The following RANBP17 variants were observed in gnomAD, a reference collection of about 807,000 sequenced individuals.
RANBP17 encodes RAN binding protein 17.
Under a neutral mutation model 141.2 loss-of-function variants are expected in RANBP17, and 158 were observed. The observed-to-expected ratio is 1.12, with a 90% CI of 0.98 to 1.28. RANBP17 has a LOEUF of 1.28. Among genes scored for constraint, RANBP17 ranks in the 50% most tolerant of loss-of-function variants. The probability of loss-of-function intolerance (pLI) is 0.00; values close to 1 mark genes in which losing one functional copy is unlikely to be tolerated. For missense variants in RANBP17, 1,438 were observed against 1,290.7 expected, an observed-to-expected ratio of 1.11 and a Z score of -1.75; for synonymous variants, 430 against 450.0, an observed-to-expected ratio of 0.96 and a Z score of 0.56.
intron 14 of RANBP17, among the ~76,000 whole-genome samples, chr5:171,021,674 C>A (rs1780865972): frequency 6.6e-6 from 1 of 152,144 alleles, no homozygotes; most frequent in Non-Finnish European, 1.5e-5. Context: ...CTCCTCTAAC[C>A]TTTTATCATG....
At chr5:170,915,257 GGACATGTCCTATTTATTGTAT>G (rs1376497702) in intron 8 of RANBP17, among the ~76,000 whole-genome samples, 2 of 152,072 alleles carry the variant, frequency 1.3e-5, no homozygotes, top group African/African-American at 4.8e-5. Flanking sequence ...AACATTTATT[GGACATGTCCTATTTATTGTAT>G]GATACTTATC....
At chr5:171,161,070 G>A (rs1759313906) in intron 14 of RANBP17, among the ~76,000 whole-genome samples, 1 of 152,170 alleles carries the variant, frequency 6.6e-6, no homozygotes, top group African/African-American at 2.4e-5. Context: ...GGGATTACAG[G>A]CGTGAGCCAC....
intron 16 of RANBP17, among the ~76,000 whole-genome samples, chr5:171,179,683 A>G (rs1200952540): frequency 6.6e-6 from 1 of 152,130 alleles, no homozygotes; most frequent in Admixed American, 6.6e-5. Context: ...ACGTCTTTAC[A>G]CTTTTGTAAA....
intron 25 of RANBP17, among the ~76,000 whole-genome samples, chr5:171,293,634 G>A (rs1768639317): frequency 6.6e-6 from 1 of 152,184 alleles, no homozygotes; most frequent in Non-Finnish European, 1.5e-5. Flanking sequence ...CTTGACTTAT[G>A]CCCATCTGGA....
intron 25 of RANBP17, among the ~76,000 whole-genome samples, chr5:171,281,782 A>G (rs1418773901): frequency 6.6e-6 from 1 of 152,252 alleles, no homozygotes; most frequent in African/African-American, 2.4e-5. Context: ...CTTGAAATAT[A>G]CACAGGTGAA....
At chr5:171,239,414 T>G (rs951851826) in intron 22 of RANBP17, among the ~76,000 whole-genome samples, 1 of 152,122 alleles carries the variant, frequency 6.6e-6, no homozygotes, top group Non-Finnish European at 1.5e-5. Flanking sequence ...ATTACCATAA[T>G]ATATATATGT....
intron 14 of RANBP17, among the ~76,000 whole-genome samples, chr5:170,990,548 A>G (rs149040141): frequency 6.6e-6 from 1 of 152,066 alleles, no homozygotes; most frequent in African/African-American, 2.4e-5. Context: ...ATCACTGAAC[A>G]CTTTTGAAAG....
intron 14 of RANBP17, among the ~76,000 whole-genome samples, chr5:171,128,262 A>G (rs1053074484): frequency 2.0e-5 from 3 of 152,266 alleles, no homozygotes; most frequent in Admixed American, 1.3e-4. Context: ...GTATCCATCA[A>G]TGAATGAATG....
chr5:170,978,489 T>A (rs1342204248), intron 14 of RANBP17, among the ~76,000 whole-genome samples: 20 of 152,098 alleles, frequency 1.3e-4, no homozygotes, highest in Admixed American at 1.2e-3. Context: ...TAATGTATAC[T>A]CATACACTGT....
At chr5:170,981,479 TC>T (rs1777767622) in intron 14 of RANBP17, among the ~76,000 whole-genome samples, 1 of 151,998 alleles carries the variant, frequency 6.6e-6, no homozygotes, top group African/African-American at 2.4e-5. Context: ...GGGAAGCAGG[TC>T]TTTCCCCTGC....
intron 14 of RANBP17, among the ~76,000 whole-genome samples, chr5:171,065,884 G>A (rs1002754242): frequency 8.6e-5 from 13 of 151,048 alleles, no homozygotes; most frequent in East Asian, 1.9e-4. Flanking sequence ...TTTTTGAGAC[G>A]GAGTCTCACT....
chr5:170,971,879 A>AT (rs952944604), intron 14 of RANBP17, among the ~76,000 whole-genome samples: 3 of 152,116 alleles, frequency 2.0e-5, no homozygotes, highest in South Asian at 2.1e-4. Context: ...CCACTGGAGT[A>AT]TTTTTTTATT....
intron 24 of RANBP17, chr5:171,252,545 G>T (rs560595910): frequency 1.4e-6 from 2 of 1,405,096 alleles, no homozygotes; most frequent in Non-Finnish European, 2.0e-6. Flanking sequence ...GCACACAAAC[G>T]GAGGAAAGTT....
chr5:171,287,725 G>A (rs1768258481), intron 25 of RANBP17, among the ~76,000 whole-genome samples: 1 of 151,830 alleles, frequency 6.6e-6, no homozygotes, highest in Non-Finnish European at 1.5e-5. Flanking sequence ...TTTTGTTGTT[G>A]CTGTTGTTTT....
Position 171,241,045 on chromosome 5 carries a change from G to A in RANBP17, c.2540G>A (p.Ser847Asn), listed in dbSNP as rs781106746. The change falls in exon 23 of 28, where the codon AGC becomes AAC. Residue 847 changes from serine (S) to asparagine (N), a missense_variant. Coordinates refer to ENST00000523189, the MANE Select transcript of RANBP17 (RefSeq NM_022897.5). ...LKSALCGNYV[S>N]FGVFKLYGDN... ...TCTGCCTTGTGTGGAAATTATGTCA[G>A]CTTTGGCGTCTTCAAGTTGTATGGG... is the stretch of plus-strand genomic sequence containing the variant. 6.2e-7 allele frequency: 1 copy of A among 1,613,932 alleles called. No individual in the cohort carries two copies. Among genetic ancestry groups the A allele is most frequent in the East Asian group, 2.2e-5 (1 of 44,870 alleles).
chr5:171,208,054 T>C (rs1019436405), intron 20 of RANBP17, among the ~76,000 whole-genome samples: 1 of 152,248 alleles, frequency 6.6e-6, no homozygotes, highest in Non-Finnish European at 1.5e-5. Context: ...ATTTCCACAT[T>C]ACTGCTGGGG....
At chr5:171,221,381 G>A (rs959672439) in intron 21 of RANBP17, among the ~76,000 whole-genome samples, 3 of 152,134 alleles carry the variant, frequency 2.0e-5, no homozygotes, top group Non-Finnish European at 4.4e-5. Flanking sequence ...ATCTCAAATG[G>A]AAATATATAT....
At chr5:171,042,736 A>T (rs1167605909) in intron 14 of RANBP17, among the ~76,000 whole-genome samples, 1 of 152,080 alleles carries the variant, frequency 6.6e-6, no homozygotes, top group Non-Finnish European at 1.5e-5. Flanking sequence ...AGTGTGCCAA[A>T]TGTTTTCTAA....
intron 25 of RANBP17, among the ~76,000 whole-genome samples, chr5:171,274,001 G>A (rs983268813): frequency 4.4e-4 from 67 of 152,052 alleles, no homozygotes; most frequent in Admixed American, 4.1e-3. Flanking sequence ...TGCACACAAG[G>A]AATACAATAA....
Sources: allele counts gnomAD v4.1 joint callset (sites outside exome capture counted in the v4.1 genomes callset), GRCh38; gene constraint gnomAD v4.1.1; transcripts MANE v1.5; gene names NCBI Gene and HGNC (gene_info 2026-07-23, HGNC 2026-07-21).